ADAMTS7: variants seen among roughly 807,000 people sequenced by gnomAD.
The protein encoded by ADAMTS7 is ADAM metallopeptidase with thrombospondin type 1 motif 7, also known as A disintegrin and metalloproteinase with thrombospondin motifs 7.
Under a neutral mutation model 172.6 loss-of-function variants are expected in ADAMTS7, and 89 were observed. The observed-to-expected ratio is 0.52, with a 90% CI of 0.43 to 0.61. The LOEUF is 0.61. Among genes scored for constraint, ADAMTS7 ranks in the 20% least tolerant of loss-of-function variants. The probability of loss-of-function intolerance (pLI) is 0.00; values close to 1 mark genes in which losing one functional copy is unlikely to be tolerated. For missense variants in ADAMTS7, 1,973 were observed against 2,355.6 expected, an observed-to-expected ratio of 0.84 and a Z score of 3.36; for synonymous variants, 885 against 978.4, an observed-to-expected ratio of 0.90 and a Z score of 1.78.
At chr15:78,786,563 G>A (rs1480404396) in intron 8 of ADAMTS7, among the ~76,000 whole-genome samples, 1 of 152,124 alleles carries the variant, frequency 6.6e-6, no homozygotes, top group Non-Finnish European at 1.5e-5. Flanking sequence ...TAACACCCCT[G>A]TATTAGCCAA....
rs747795803 is a variant in ADAMTS7 at position 78,800,513 on chromosome 15, G to C, written c.135C>G (p.Ile45Met). ...RATEGRAALD[I>M]VHPVRVDAGG... ...CCGCGTCGACTCGAACCGGGTGCAC[G>C]ATGTCCAGTGCCGCCCGGCCCTCGG... Residue 45 changes from isoleucine (I) to methionine (M), a missense_variant, in exon 2 of 24, where the codon ATC becomes ATG. Transcript: ENST00000388820. The C allele has an allele frequency of 3.3e-5, 53 of 1,605,656 alleles. No individual in the cohort carries two copies. The African/African-American group carries it at 6.3e-4, about 19-fold the overall frequency.
At chr15:78,791,840 G>C (rs962214062) in intron 4 of ADAMTS7, among the ~76,000 whole-genome samples, 1 of 152,178 alleles carries the variant, frequency 6.6e-6, no homozygotes, top group Non-Finnish European at 1.5e-5. Flanking sequence ...TCTATCAGAG[G>C]CCCCATGGCT....
rs540571079 is a variant in ADAMTS7, at chr15:78,766,596, G to A, written c.3315C>T (p.Pro1105=). 8.7e-6 allele frequency: 14 copies of A among 1,601,854 alleles called. No individual in the cohort carries two copies. Among genetic ancestry groups the A allele is most frequent in the African/African-American group, 2.8e-5 (2 of 70,932 alleles). The part of the protein sequence containing the change: ...TPPPHSHPAA[P]STGSPVPATE... The stretch of plus-strand genomic sequence containing the variant: ...TGGCAGGCACGGGGCTACCCGTGGA[G>A]GGCGCAGCAGGATGGCTGTGTGGTG... Residue 1105 remains proline, a synonymous_variant, in exon 19 of 24, where the codon CCC becomes CCT. Coordinates refer to ENST00000388820, the MANE Select transcript of ADAMTS7 (RefSeq NM_014272.5).
rs753068625 is a variant in ADAMTS7 at position 78,759,568 on chromosome 15, C to T, written c.4914G>A (p.Arg1638=). The change falls in exon 24 of 24, where the codon CGG becomes CGA. Residue 1638 remains arginine, a synonymous_variant. Coordinates refer to ENST00000388820, the MANE Select transcript of ADAMTS7 (RefSeq NM_014272.5). ...CEPVEPPRCE[R]DRLSFGFCET... is the part of the protein sequence containing the mutation. ...CGCAGAACCCGAAGGACAGGCGGTC[C>T]CGCTCACAGCCTGGAGTGGGGGGGC... 6.3e-7 allele frequency: 1 copy of T among 1,585,538 alleles called. No individual in the cohort carries two copies. The highest frequency in any genetic ancestry group is 1.1e-5 in the South Asian group (1 of 88,652).
At chr15:78,779,707 C>T (rs914372359) in intron 8 of ADAMTS7, among the ~76,000 whole-genome samples, 53 of 152,214 alleles carry the variant, frequency 3.5e-4, no homozygotes, top group African/African-American at 1.2e-3. Context: ...AGGAGGTAGA[C>T]TGGGGGCTCA....
intron 4 of ADAMTS7, among the ~76,000 whole-genome samples, chr15:78,793,393 AC>A (rs1393399738): frequency 1.3e-5 from 2 of 148,242 alleles, no homozygotes; most frequent in Non-Finnish European, 3.0e-5. Context: ...TCACTTTGTC[AC>A]TCAAGATGGA....
intron 22 of ADAMTS7, among the ~76,000 whole-genome samples, chr15:78,762,938 G>A (rs1196190260): frequency 1.3e-5 from 2 of 152,216 alleles, no homozygotes; most frequent in Admixed American, 6.5e-5. Context: ...TGTGCCCGAG[G>A]GACAGGGCAG....
At chr15:78,803,805 GCAA>G (rs1456205549) in intron 1 of ADAMTS7, among the ~76,000 whole-genome samples, 1 of 152,214 alleles carries the variant, frequency 6.6e-6, no homozygotes, top group Non-Finnish European at 1.5e-5. Context: ...CAAGATACGT[GCAA>G]CAACTGTAAT....
Position 78,788,564 on chromosome 15 carries a change from G to T in ADAMTS7, c.1179-190C>A, listed in dbSNP as rs1410514775. 3.3e-5 allele frequency among the ~76,000 whole-genome samples: 5 copies of T among 152,340 alleles called. No homozygotes were observed. In the East Asian group the frequency reaches 9.7e-4, roughly 29 times the overall value. Reference sequence around the variant, plus strand: ...CTCAGTTTCCTGAATGTAAAATGAGGGTATGACAGCTAGTATCCCAAGGGC... The same window carrying T: ...CTCAGTTTCCTGAATGTAAAATGAGTGTATGACAGCTAGTATCCCAAGGGC... On this transcript the variant is annotated intron_variant, in intron 7 of 23. Coordinates refer to ENST00000388820, the MANE Select transcript of ADAMTS7 (RefSeq NM_014272.5).
intron 2 of ADAMTS7, among the ~76,000 whole-genome samples, chr15:78,799,923 C>A (rs1403854107): frequency 6.6e-6 from 1 of 151,730 alleles, no homozygotes; most frequent in Non-Finnish European, 1.5e-5. Context: ...AATTCCTGGG[C>A]TCAAGTGATC....
In ADAMTS7 at chr15:78,788,401, C is replaced by T. The variant is rs376821393; in HGVS notation, c.1179-27G>A. On this transcript the variant is annotated intron_variant, in intron 7 of 23. Coordinates refer to ENST00000388820, the MANE Select transcript of ADAMTS7 (RefSeq NM_014272.5). Reference sequence around the variant, plus strand: ...TGTGTGAGAGCACAGGCCCCAGGGGCGGGTGAGCCGGCGGGAGGCTGCCAG... The same window carrying T: ...TGTGTGAGAGCACAGGCCCCAGGGGTGGGTGAGCCGGCGGGAGGCTGCCAG... 16 of 1,608,150 alleles carry T rather than the reference C, an allele frequency of 9.9e-6. No individual in the cohort carries two copies. The African/African-American group carries it at 1.2e-4, about 12-fold the overall frequency.
At position 78,766,487 on chromosome 15, in the gene ADAMTS7, G is replaced by T; in HGVS notation, c.3424C>A (p.Pro1142Thr). The change falls in exon 19 of 24, where the codon CCC (proline) becomes ACC (threonine). Residue 1142 changes from proline (P) to threonine (T), a missense_variant. By Grantham distance (38) the Pro-to-Thr change is conservative. This residue lies in a region of ADAMTS7 where 771 missense variants were observed against 952.6 expected (regional missense o/e 0.81). Transcript: ENST00000388820. ...CCAGGGGTCTGCTCTGAGGGTGGGGGTGGGGAGCGGCCGGCCTGGCTAGGC... is the reference window on the plus strand; with the variant it reads ...CCAGGGGTCTGCTCTGAGGGTGGGGTTGGGGAGCGGCCGGCCTGGCTAGGC... Reference protein sequence around the residue: ...PWPSQAGRSPPPPSEQTPGNP... With the variant: ...PWPSQAGRSPTPPSEQTPGNP... 7.3e-7 allele frequency: 1 copy of T among 1,369,038 alleles called. No individual in the cohort carries two copies. Among genetic ancestry groups the T allele is most frequent in the Admixed American group, 1.9e-5 (1 of 53,748 alleles). 84.8% of individuals were successfully genotyped at this position (1,369,038 alleles called of 1,614,324 possible).
In ADAMTS7 at chr15:78,800,402, G is replaced by A. The variant is rs1440763015; in HGVS notation, c.246C>T (p.Tyr82=). 5 of 1,608,728 alleles carry A rather than the reference G, an allele frequency of 3.1e-6. No homozygotes were observed. The Admixed American group carries it at 6.7e-5, about 22-fold the overall frequency. The change falls in exon 2 of 24, where the codon TAC becomes TAT. Residue 82 remains tyrosine, a synonymous_variant. Transcript: ENST00000388820. ...GCTCGCGCCCGCGGTATTGTAGCTC[G>A]TAGAAGGCGGGCGCGTCTCGGCGCA... ...VSVRRDAPAF[Y]ELQYRGRELR...
intron 8 of ADAMTS7, among the ~76,000 whole-genome samples, chr15:78,787,867 C>T (rs2055525233): frequency 6.6e-6 from 1 of 152,174 alleles, no homozygotes; most frequent in Non-Finnish European, 1.5e-5. Flanking sequence ...TCCGCCGTTC[C>T]CTGAAAGCTC....
chr15:78,760,980 C>G (rs577354167), intron 23 of ADAMTS7, among the ~76,000 whole-genome samples: 128 of 152,204 alleles, frequency 8.4e-4, no homozygotes, highest in Middle Eastern at 6.8e-3. Flanking sequence ...CCACTGGGAT[C>G]ATAACCACCC....
chr15:78,791,603 G>A (rs139614511), intron 4 of ADAMTS7, among the ~76,000 whole-genome samples: 1,817 of 152,302 alleles, frequency 0.012, 48 homozygotes, highest in African/African-American at 0.041. Flanking sequence ...TTGGCCTGTC[G>A]CAGGGCCCTA....
At chr15:78,810,961 C>A (rs1425948825) in intron 1 of ADAMTS7, 160 bp downstream of exon 1, 9 of 815,182 alleles carry the variant, frequency 1.1e-5, no homozygotes, top group Non-Finnish European at 1.5e-5. Flanking sequence ...GGCCCGACCC[C>A]GACTACTGTC....
rs755657368 is a variant in ADAMTS7, at chr15:78,776,214, G to T, written c.1680C>A (p.Ser560Arg). The T allele has an allele frequency of 1.6e-5, 25 of 1,611,130 alleles. 1 individual carries two copies. In the South Asian group the frequency reaches 2.6e-4, roughly 17 times the overall value. Residue 560 changes from serine to arginine, a missense_variant, in exon 11 of 24, where the codon AGC (serine) becomes AGA (arginine). This residue lies in a region of ADAMTS7 where 526 missense variants were observed against 662.9 expected (regional missense o/e 0.79). Transcript: ENST00000388820. ...TAGGCTGCGTGCACTGCCGCTCGGC[G>T]CTCTGTACGCCCATGCCACAGCTCC... ...CSRSCGMGVQ[S>R]AERQCTQPTP...
chr15:78,790,111 A>G (rs931577163), intron 6 of ADAMTS7, among the ~76,000 whole-genome samples: 2 of 152,234 alleles, frequency 1.3e-5, no homozygotes, highest in Non-Finnish European at 2.9e-5. Flanking sequence ...AGATGCCTCC[A>G]GAGTCCAGCA....
Sources: allele counts gnomAD v4.1 joint callset (sites outside exome capture counted in the v4.1 genomes callset), GRCh38; gene constraint gnomAD v4.1.1; regional missense constraint gnomAD v4.1.1; transcripts MANE v1.5; gene names NCBI Gene and HGNC (gene_info 2026-07-23, HGNC 2026-07-21).